Variants in RIC8B observed in about 807,000 individuals in gnomAD.
The protein encoded by RIC8B is RIC8 guanine nucleotide exchange factor B.
In RIC8B, 16 loss-of-function variants were observed where a neutral mutation model predicts 57.5. That is an observed-to-expected ratio of 0.28 (90% CI 0.19 to 0.42). The LOEUF (loss-of-function observed/expected upper bound fraction) is 0.42, where lower values mean the gene tolerates loss of function less well. Among genes scored for constraint, RIC8B ranks in the 10% least tolerant of loss-of-function variants. The pLI, the probability that RIC8B is intolerant of heterozygous loss-of-function variation, is 1.00. For missense variants in RIC8B, 481 were observed against 677.0 expected, an observed-to-expected ratio of 0.71 and a Z score of 3.21; for synonymous variants, 216 against 250.8, an observed-to-expected ratio of 0.86 and a Z score of 1.31.
chr12:106,843,723 CAAAAAAAAAA>C (rs11384376), intron 5 of RIC8B, 119 bp from the exon 6 acceptor site: 2 of 256,736 alleles, frequency 7.8e-6, no homozygotes, highest in Non-Finnish European at 1.3e-5. Context: ...CTCCCTCTCC[CAAAAAAAAAA>C]AAAAAAAAAA....
chr12:106,837,639 G>GTTTTTTTTT (rs375634080), intron 4 of RIC8B, among the ~76,000 whole-genome samples: 3 of 115,330 alleles, frequency 2.6e-5, no homozygotes, highest in African/African-American at 3.4e-5. Flanking sequence ...AAAATCTTTT[G>GTTTTTTTTT]TTTTTTTTTT....
intron 9 of RIC8B, among the ~76,000 whole-genome samples, chr12:106,873,379 A>G (rs1014944957): frequency 6.6e-6 from 1 of 152,204 alleles, no homozygotes; most frequent in Non-Finnish European, 1.5e-5. Context: ...AAATACAATC[A>G]ATGACAAAAC....
At chr12:106,844,092 G>A in intron 6 of RIC8B, 145 bp downstream of exon 6, 1 of 667,726 alleles carries the variant, frequency 1.5e-6, no homozygotes, top group South Asian at 1.9e-5. Context: ...TAATCAAGAA[G>A]TGTGTATTTT....
At chr12:106,825,905 C>A in intron 4 of RIC8B, 85 bp downstream of exon 4, 2 of 889,218 alleles carry the variant, frequency 2.2e-6, no homozygotes, top group Non-Finnish European at 3.7e-6. Context: ...TTGTTATAAG[C>A]ACAAGAAAGT....
At chr12:106,832,755 C>A (rs1248200951) in intron 4 of RIC8B, among the ~76,000 whole-genome samples, 1 of 152,090 alleles carries the variant, frequency 6.6e-6, no homozygotes, top group African/African-American at 2.4e-5. Flanking sequence ...CAAGCAGGAT[C>A]GTTCTTAAAC....
chr12:106,780,504 A>G (rs1355910259), intron 1 of RIC8B, among the ~76,000 whole-genome samples: 1 of 152,202 alleles, frequency 6.6e-6, no homozygotes. Context: ...TAGAGTATGT[A>G]AATATCCAGG....
intron 4 of RIC8B, among the ~76,000 whole-genome samples, chr12:106,837,941 G>A (rs1343615615): frequency 6.6e-6 from 1 of 151,902 alleles, no homozygotes; most frequent in Non-Finnish European, 1.5e-5. Context: ...ACACCTGGTC[G>A]GGGATCGTTC....
intron 3 of RIC8B, among the ~76,000 whole-genome samples, chr12:106,824,442 T>A (rs1470321577): frequency 2.6e-5 from 4 of 152,204 alleles, no homozygotes; most frequent in Admixed American, 2.6e-4. Flanking sequence ...AATGTTATGG[T>A]CCACATTATG....
chr12:106,803,279 G>A (rs1424730422), intron 2 of RIC8B, among the ~76,000 whole-genome samples: 2 of 145,510 alleles, frequency 1.4e-5, no homozygotes, highest in African/African-American at 2.5e-5. Flanking sequence ...ATCTTTGGTA[G>A]TTTGATATGC....
chr12:106,801,661 A>G (rs765022792), intron 2 of RIC8B, among the ~76,000 whole-genome samples: 1 of 152,210 alleles, frequency 6.6e-6, no homozygotes, highest in African/African-American at 2.4e-5. Context: ...ATGAGTATTC[A>G]TTTTAGAAGA....
At chr12:106,862,840 A>G (rs1041812037) in intron 8 of RIC8B, among the ~76,000 whole-genome samples, 3 of 152,142 alleles carry the variant, frequency 2.0e-5, no homozygotes, top group Middle Eastern at 3.2e-3. Context: ...TAATATCACA[A>G]CAAAGCTTTT....
At chr12:106,825,378 A>G (rs900830388) in intron 3 of RIC8B, among the ~76,000 whole-genome samples, 2 of 152,250 alleles carry the variant, frequency 1.3e-5, no homozygotes, top group African/African-American at 4.8e-5. Flanking sequence ...ATAACCTGGT[A>G]ACATCACATC....
chr12:106,800,800 G>T (rs1159962063), intron 2 of RIC8B, among the ~76,000 whole-genome samples: 1 of 152,134 alleles, frequency 6.6e-6, no homozygotes, highest in East Asian at 1.9e-4. Context: ...AAATTCCAAA[G>T]AGATTGTATA....
chr12:106,831,199 A>T (rs1000195322), intron 4 of RIC8B, among the ~76,000 whole-genome samples: 17 of 152,170 alleles, frequency 1.1e-4, no homozygotes, highest in Admixed American at 6.5e-5. Flanking sequence ...CTTTCTCCAC[A>T]GGCTGCTGAG....
chr12:106,844,840 G>GA (rs1396051144), intron 6 of RIC8B, among the ~76,000 whole-genome samples: 1 of 151,966 alleles, frequency 6.6e-6, no homozygotes, highest in Non-Finnish European at 1.5e-5. Flanking sequence ...GGTTGAAAAA[G>GA]AAAAAATAAG....
At chr12:106,840,985 A>G (rs1380606989) in intron 4 of RIC8B, among the ~76,000 whole-genome samples, 1 of 152,184 alleles carries the variant, frequency 6.6e-6, no homozygotes, top group South Asian at 2.1e-4. Flanking sequence ...TTCTCAATGA[A>G]TCTATGGTAT....
intron 4 of RIC8B, among the ~76,000 whole-genome samples, chr12:106,827,097 A>G (rs1240124855): frequency 6.6e-6 from 1 of 152,172 alleles, no homozygotes; most frequent in East Asian, 1.9e-4. Flanking sequence ...AAAATAGTTC[A>G]AATTTTGCGA....
At chr12:106,857,545 T>C (rs987466950) in intron 7 of RIC8B, among the ~76,000 whole-genome samples, 1 of 152,206 alleles carries the variant, frequency 6.6e-6, no homozygotes, top group African/African-American at 2.4e-5. Flanking sequence ...CTCGCAACTT[T>C]TTGACTGAAT....
chr12:106,857,697 A>T (rs1052303065), intron 7 of RIC8B, among the ~76,000 whole-genome samples: 4 of 152,314 alleles, frequency 2.6e-5, no homozygotes, highest in African/African-American at 7.2e-5. Flanking sequence ...TCACCTTAAC[A>T]TCCAAGTGCA....
Sources: allele counts gnomAD v4.1 joint callset (sites outside exome capture counted in the v4.1 genomes callset), GRCh38; gene constraint gnomAD v4.1.1; transcripts MANE v1.5; gene names NCBI Gene and HGNC (gene_info 2026-07-23, HGNC 2026-07-21).